HMCN1: variants seen among roughly 807,000 people sequenced by gnomAD.
The protein encoded by HMCN1 is hemicentin-1.
A neutral mutation model predicts 625.9 loss-of-function variants in HMCN1; 321 were observed. That is an observed-to-expected ratio of 0.51 (90% CI 0.47 to 0.56). The LOEUF (loss-of-function observed/expected upper bound fraction) is 0.56, where lower values mean the gene tolerates loss of function less well. Ranked by LOEUF, HMCN1 falls within the 20% of genes least tolerant of loss-of-function variation. The probability of loss-of-function intolerance (pLI) is 0.00; values close to 1 mark genes in which losing one functional copy is unlikely to be tolerated. For synonymous variants in HMCN1, 2,425 were observed against 2,417.6 expected, an observed-to-expected ratio of 1.00 and a Z score of -0.09; for missense variants, 6,588 against 6,887.3, an observed-to-expected ratio of 0.96 and a Z score of 1.54.
At chr1:186,090,710 T>C in intron 63 of HMCN1, 48 bp from the exon 64 acceptor site, 1 of 1,599,534 alleles carries the variant, frequency 6.3e-7, no homozygotes, top group Non-Finnish European at 8.6e-7. Flanking sequence ...TACATTAGAA[T>C]TTATATCCTG....
intron 95 of HMCN1, 49 bp from the exon 96 acceptor site, chr1:186,152,701 C>G (rs372123958): frequency 6.2e-7 from 1 of 1,611,482 alleles, no homozygotes; most frequent in Non-Finnish European, 8.5e-7. Context: ...TCTGTGCTTA[C>G]AGAAACCATA....
At chr1:185,891,466 G>A (rs1444837733) in intron 4 of HMCN1, among the ~76,000 whole-genome samples, 2 of 148,214 alleles carry the variant, frequency 1.3e-5, no homozygotes, top group Non-Finnish European at 2.9e-5. Flanking sequence ...TTCCTTTCAT[G>A]TTTAGTGCTT....
At chr1:185,806,311 T>C (rs1033627692) in intron 1 of HMCN1, among the ~76,000 whole-genome samples, 3 of 152,138 alleles carry the variant, frequency 2.0e-5, no homozygotes, top group African/African-American at 4.8e-5. Flanking sequence ...CAGTAGTCTC[T>C]ACTCCTTCCA....
At chr1:186,110,478 T>G (rs1660823918) in intron 71 of HMCN1, among the ~76,000 whole-genome samples, 1 of 152,206 alleles carries the variant, frequency 6.6e-6, no homozygotes, top group African/African-American at 2.4e-5. Flanking sequence ...CAAATAAAGT[T>G]GTATCCATTA....
intron 1 of HMCN1, among the ~76,000 whole-genome samples, chr1:185,817,262 G>C (rs891341650): frequency 6.6e-6 from 1 of 152,176 alleles, no homozygotes; most frequent in Admixed American, 6.6e-5. Context: ...TGGGAGGGAA[G>C]TGGAACTACA....
Position 186,132,402 on chromosome 1 carries a change from T to C in HMCN1, c.13305T>C (p.Thr4435=). ...AGVVERSMSL[T]LQSPPIITLE... The stretch of plus-strand genomic sequence containing the variant: ...TGGTGGAGCGCAGCATGAGTCTGAC[T>C]CTGCAAAGTAAGCTGCTTAATGAAA... The change falls in exon 86 of 107, where the codon ACT becomes ACC. Residue 4435 remains threonine (T), a synonymous_variant. Transcript: ENST00000271588. The C allele has an allele frequency of 6.2e-7, 1 of 1,610,486 alleles. No individual in the cohort carries two copies. The highest frequency in any genetic ancestry group is 8.5e-7 in the Non-Finnish European group (1 of 1,177,810).
Position 185,962,599 on chromosome 1 carries a change from G to A in HMCN1, c.1910G>A (p.Gly637Asp), listed in dbSNP as rs1368338247. 2 of 1,598,068 alleles carry A rather than the reference G, an allele frequency of 1.3e-6. No individual in the cohort carries two copies. The highest frequency in any genetic ancestry group is 2.2e-5 in the East Asian group (1 of 44,780). The change falls in exon 12 of 107, where the codon GGT (glycine) becomes GAT (aspartate). Residue 637 changes from glycine (G) to aspartate (D), a missense_variant. By Grantham distance (94) the Gly-to-Asp change is moderately conservative. Transcript: ENST00000271588. ...SEVSIMCSAT[G>D]YPKPKIAWTV... ...GTCTCCATCATGTGTTCTGCAACAG[G>A]TTATCCCAAACCAAAGATTGCCTGG... is the stretch of plus-strand genomic sequence containing the variant.
At chr1:186,020,028 T>C (rs191782063) in intron 35 of HMCN1, among the ~76,000 whole-genome samples, 20 of 152,152 alleles carry the variant, frequency 1.3e-4, no homozygotes, top group Admixed American at 1.1e-3. Context: ...ATGTTCACCA[T>C]TGAGTAAAAT....
intron 68 of HMCN1, among the ~76,000 whole-genome samples, chr1:186,097,590 A>C (rs536180007): frequency 6.6e-6 from 1 of 152,180 alleles, no homozygotes; most frequent in Non-Finnish European, 1.5e-5. Context: ...TTTCATGTTT[A>C]TGGATTGGAA....
rs775803858 is a variant in HMCN1, at chr1:186,178,535, G to A, written c.16063G>A (p.Ala5355Thr). Residue 5355 changes from alanine (A) to threonine (T), a missense_variant, in exon 104 of 107, where the codon GCT becomes ACT. Coordinates refer to ENST00000271588, the MANE Select transcript of HMCN1 (RefSeq NM_031935.3). The stretch of plus-strand genomic sequence containing the variant: ...TTTATTAGGGGACGGGAAATCTTGC[G>A]CTGGATTGGAGAGGCTGCCAAATTA... ...QHLLGDGKSC[A>T]GLERLPNYGT... The A allele has an allele frequency of 8.1e-6, 13 of 1,613,930 alleles. No homozygotes were observed. Among genetic ancestry groups the A allele is most frequent in the South Asian group, 3.3e-5 (3 of 91,080 alleles).
chr1:186,146,145 C>T (rs1280890529), intron 93 of HMCN1, among the ~76,000 whole-genome samples: 2 of 152,026 alleles, frequency 1.3e-5, no homozygotes, highest in East Asian at 1.9e-4. Flanking sequence ...GGATATAGTC[C>T]TGGCATTGAC....
chr1:185,923,331 T>A, intron 7 of HMCN1, 59 bp from the exon 8 acceptor site: 2 of 1,279,706 alleles, frequency 1.6e-6, no homozygotes, highest in Non-Finnish European at 2.3e-6. Flanking sequence ...AATACTTATT[T>A]GATATATAAC....
intron 1 of HMCN1, among the ~76,000 whole-genome samples, chr1:185,767,665 A>T (rs1655959892): frequency 6.6e-6 from 1 of 152,174 alleles, no homozygotes; most frequent in African/African-American, 2.4e-5. Flanking sequence ...GGTATCTGCA[A>T]ATGTTGGTTA....
chr1:186,079,964 G>A (rs1278376171), intron 55 of HMCN1, among the ~76,000 whole-genome samples: 2 of 152,108 alleles, frequency 1.3e-5, no homozygotes, highest in Middle Eastern at 3.2e-3. Context: ...GCAGGTGGAA[G>A]CAAAGAGCTG....
At position 186,062,580 on chromosome 1, in the gene HMCN1, C is replaced by T. The variant is rs760153934; in HGVS notation, c.7493C>T (p.Thr2498Met). 32 of 1,611,594 alleles carry T rather than the reference C, an allele frequency of 2.0e-5. No homozygotes were observed. Among genetic ancestry groups the T allele is most frequent in the Admixed American group, 3.3e-5 (2 of 59,958 alleles). The part of the protein sequence containing the change: ...DVKVKEKQSV[T>M]LTCEVTGNPV... ...AAGGTAAAAGAGAAACAGAGTGTTA[C>T]GCTGACTTGTGAAGTGACAGGTATG... is the stretch of plus-strand genomic sequence containing the variant. The change falls in exon 48 of 107, where the codon ACG becomes ATG. Residue 2498 changes from threonine to methionine, a missense_variant. Coordinates refer to ENST00000271588, the MANE Select transcript of HMCN1 (RefSeq NM_031935.3).
At chr1:186,114,502 G>A (rs1188759642) in intron 73 of HMCN1, among the ~76,000 whole-genome samples, 4 of 152,014 alleles carry the variant, frequency 2.6e-5, no homozygotes, top group African/African-American at 9.7e-5. Flanking sequence ...CAGGTGATCC[G>A]CCCACCTCAG....
chr1:185,979,252 T>A (rs2101994065), intron 16 of HMCN1, among the ~76,000 whole-genome samples: 1 of 152,094 alleles, frequency 6.6e-6, no homozygotes, highest in South Asian at 2.1e-4. Flanking sequence ...AGCTAGAAGT[T>A]AGAGAGCCCC....
intron 13 of HMCN1, among the ~76,000 whole-genome samples, chr1:185,964,765 G>GGATTTA (rs1453808450): frequency 1.3e-5 from 2 of 152,068 alleles, no homozygotes; most frequent in Non-Finnish European, 2.9e-5. Context: ...AAAGGAGACA[G>GGATTTA]GATTTAGGCT....
At chr1:185,913,743 A>C (rs1208050508) in intron 6 of HMCN1, among the ~76,000 whole-genome samples, 1 of 152,106 alleles carries the variant, frequency 6.6e-6, no homozygotes, top group Non-Finnish European at 1.5e-5. Flanking sequence ...CATGACTGTT[A>C]TTTTACCTTG....
Sources: allele counts gnomAD v4.1 joint callset (sites outside exome capture counted in the v4.1 genomes callset), GRCh38; gene constraint gnomAD v4.1.1; transcripts MANE v1.5; gene names NCBI Gene and HGNC (gene_info 2026-07-23, HGNC 2026-07-21).